Variants in SHTN1 observed in about 807,000 individuals in gnomAD.
SHTN1 encodes the protein shootin 1.
In SHTN1, 42 loss-of-function variants were observed where a neutral mutation model predicts 83.1. The observed-to-expected ratio is 0.51, with a 90% CI of 0.39 to 0.65. SHTN1 has a LOEUF of 0.65. Among genes scored for constraint, SHTN1 ranks in the 30% least tolerant of loss-of-function variants. The pLI is 0.00. For synonymous variants in SHTN1, 224 were observed against 247.7 expected (o/e 0.90, Z 0.90); for missense variants, 622 against 737.8 (o/e 0.84, Z 1.82).
At chr10:116,971,977 A>G (rs572476178) in intron 2 of SHTN1, among the ~76,000 whole-genome samples, 1 of 152,322 alleles carries the variant, frequency 6.6e-6, no homozygotes, top group Non-Finnish European at 1.5e-5. Context: ...TCAGATCTGA[A>G]AAAGGCCACC....
intron 1 of SHTN1, among the ~76,000 whole-genome samples, chr10:117,083,645 C>G (rs1486498078): frequency 2.0e-5 from 3 of 150,748 alleles, no homozygotes; most frequent in Non-Finnish European, 4.5e-5. Flanking sequence ...CAACTTGGTT[C>G]CATTCTCCCC....
At position 116,940,520 on chromosome 10, in the gene SHTN1, T is replaced by G; in HGVS notation, c.804A>C (p.Glu268Asp). 1 of 1,614,102 alleles carries G rather than the reference T, an allele frequency of 6.2e-7. No homozygotes were observed. The highest frequency in any genetic ancestry group is 8.5e-7 in the Non-Finnish European group (1 of 1,179,992). Residue 268 changes from glutamate to aspartate, a missense_variant, in exon 9 of 17, where the codon GAA (glutamate) becomes GAC (aspartate). Physicochemically the swap from Glu to Asp is conservative, Grantham distance 45. Transcript: ENST00000355371. ...CAAGTTGCTGGGTGAGTTTTGCATT[T>G]TCGTCTAAAGCTTTCAAAAGCTGCT... is the stretch of plus-strand genomic sequence containing the variant. The part of the protein sequence containing the change: ...PDQQLLKALD[E>D]NAKLTQQLEE...
At chr10:117,090,194 T>C (rs1448106775) in intron 1 of SHTN1, among the ~76,000 whole-genome samples, 1 of 152,154 alleles carries the variant, frequency 6.6e-6, no homozygotes, top group East Asian at 1.9e-4. Flanking sequence ...GGTAAACAAA[T>C]TGTAATATAC....
intron 9 of SHTN1, among the ~76,000 whole-genome samples, chr10:116,930,286 G>A (rs1333436870): frequency 2.6e-5 from 4 of 152,008 alleles, no homozygotes; most frequent in Non-Finnish European, 5.9e-5. Flanking sequence ...TTGTTATATA[G>A]GTAAATTGTG....
At chr10:116,943,183 C>T (rs1241693514) in intron 8 of SHTN1, among the ~76,000 whole-genome samples, 1 of 152,204 alleles carries the variant, frequency 6.6e-6, no homozygotes, top group African/African-American at 2.4e-5. Context: ...AACATGTCAG[C>T]ATTATTGTTT....
intron 1 of SHTN1, among the ~76,000 whole-genome samples, chr10:117,110,283 A>C (rs899349612): frequency 1.2e-4 from 19 of 152,218 alleles, no homozygotes; most frequent in Admixed American, 9.8e-4. Flanking sequence ...CTGCATTCAC[A>C]CATTGCTGTC....
At chr10:116,991,525 T>C (rs1851436951) in intron 1 of SHTN1, among the ~76,000 whole-genome samples, 1 of 152,108 alleles carries the variant, frequency 6.6e-6, no homozygotes, top group Non-Finnish European at 1.5e-5. Context: ...GGAAAGGTGT[T>C]ATGCACTTTT....
intron 1 of SHTN1, among the ~76,000 whole-genome samples, chr10:117,076,557 A>G (rs939603803): frequency 6.9e-6 from 1 of 144,814 alleles, no homozygotes; most frequent in Admixed American, 6.9e-5. Context: ...ACAAATAAAC[A>G]TATGTATACC....
chr10:116,931,135 CAA>C (rs57720678), intron 9 of SHTN1, among the ~76,000 whole-genome samples: 137 of 131,172 alleles, frequency 1.0e-3, no homozygotes, highest in African/African-American at 3.7e-3. Flanking sequence ...CAAAAGTCTT[CAA>C]AAAAAAAAAA....
intron 16 of SHTN1, chr10:116,900,273 T>C (rs1180865876): frequency 4.3e-6 from 2 of 470,128 alleles, no homozygotes; most frequent in Non-Finnish European, 7.6e-6. Flanking sequence ...TTTAAGTAGA[T>C]AAATTAAACT....
intron 9 of SHTN1, among the ~76,000 whole-genome samples, chr10:116,936,132 A>AT (rs2133388451): frequency 6.6e-6 from 1 of 152,008 alleles, no homozygotes; most frequent in African/African-American, 2.4e-5. Context: ...GGATTTACTG[A>AT]TTTTTTTGAA....
Position 116,915,380 on chromosome 10 carries a change from T to C in SHTN1, c.1300A>G (p.Thr434Ala). Residue 434 changes from threonine to alanine, a missense_variant, in exon 13 of 17, where the codon ACA (threonine) becomes GCA (alanine). Transcript: ENST00000355371. ...AGCATTCAGTCACTCCATACCTTTGTCTTCGGTCTGGCTGTCTGATTAACG... is the reference window on the plus strand; with the variant it reads ...AGCATTCAGTCACTCCATACCTTTGCCTTCGGTCTGGCTGTCTGATTAACG... ...RPVNQTARPKTKPESSKGCES... is the reference protein window; with the variant it reads ...RPVNQTARPKAKPESSKGCES... The C allele has an allele frequency of 6.5e-7, 1 of 1,543,396 alleles. No individual in the cohort carries two copies. Among genetic ancestry groups the C allele is most frequent in the South Asian group, 1.1e-5 (1 of 89,544 alleles).
At chr10:117,084,757 C>G (rs374943507) in intron 1 of SHTN1, among the ~76,000 whole-genome samples, 108 of 152,124 alleles carry the variant, frequency 7.1e-4, no homozygotes, top group African/African-American at 2.4e-3. Flanking sequence ...TTTTTAAGCC[C>G]GTCGGAAAAG....
chr10:117,004,951 C>T (rs1851959510), intron 1 of SHTN1, 71 bp downstream of exon 1: 1 of 1,435,944 alleles, frequency 7.0e-7, no homozygotes, highest in Admixed American at 2.0e-5. Flanking sequence ...ACTGCCCTGG[C>T]CCCAGCGCCC....
chr10:116,996,902 C>G (rs1201491240), intron 1 of SHTN1, among the ~76,000 whole-genome samples: 1 of 152,178 alleles, frequency 6.6e-6, no homozygotes, highest in Non-Finnish European at 1.5e-5. Flanking sequence ...AAGCTACCAG[C>G]CTAGCACATA....
At chr10:117,073,980 C>A (rs920188073) in intron 1 of SHTN1, among the ~76,000 whole-genome samples, 1 of 152,084 alleles carries the variant, frequency 6.6e-6, no homozygotes, top group Non-Finnish European at 1.5e-5. Context: ...ATATATGAGA[C>A]TTTTTTGAAT....
intron 1 of SHTN1, among the ~76,000 whole-genome samples, chr10:117,051,999 CAT>C (rs71013635): frequency 0.12 from 4,229 of 34,114 alleles, 505 homozygotes; most frequent in South Asian, 0.37. Context: ...ATGACATAAT[CAT>C]ATATATATAT....
intron 16 of SHTN1, among the ~76,000 whole-genome samples, chr10:116,889,774 C>A (rs1002022953): frequency 6.6e-6 from 1 of 152,178 alleles, no homozygotes; most frequent in African/African-American, 2.4e-5. Context: ...TCATTCTTTC[C>A]GAATCCGTTT....
chr10:117,036,008 C>G (rs536651942), intron 2 of SHTN1, among the ~76,000 whole-genome samples: 5 of 133,728 alleles, frequency 3.7e-5, no homozygotes, highest in Non-Finnish European at 8.2e-5. Flanking sequence ...AGAAGAAATA[C>G]AAATGTCAAA....
Sources: gnomAD v4.1 joint callset for allele counts (sites outside exome capture counted in the v4.1 genomes callset) on GRCh38, gnomAD v4.1.1 for gene constraint, MANE v1.5 for transcripts, NCBI Gene and HGNC (gene_info 2026-07-23, HGNC 2026-07-21) for gene names.